Variants in ROBO2 observed in about 807,000 individuals in gnomAD.
ROBO2 encodes the protein roundabout guidance receptor 2.
Under a neutral mutation model 160.8 loss-of-function variants are expected in ROBO2, and 53 were observed. The ratio of observed to expected loss-of-function variants is 0.33; its 90% CI spans 0.26 to 0.41. The LOEUF is 0.41. ROBO2 is among the 10% of genes least tolerant of loss of function. ROBO2 has a pLI of 1.00. For synonymous variants in ROBO2, 664 were observed against 611.7 expected (o/e 1.09, Z -1.26); for missense variants, 1,577 against 1,722.4 (o/e 0.92, Z 1.49).
chr3:76,622,191 A>AAAGGAAGGAAGGAAGGAAGG (rs1163132103), intron 2 of ROBO2, among the ~76,000 whole-genome samples: 8 of 65,894 alleles, frequency 1.2e-4, no homozygotes, highest in African/African-American at 2.5e-4. Context: ...TAAAAAAAAG[A>AAAGGAAGGAAGGAAGGAAGG]AAGGAAGGAA....
At chr3:76,288,065 A>C (rs534731491) in intron 2 of ROBO2, among the ~76,000 whole-genome samples, 1 of 152,328 alleles carries the variant, frequency 6.6e-6, no homozygotes, top group Non-Finnish European at 1.5e-5. Flanking sequence ...ATTTTTTTCT[A>C]AGTATAAAAA....
intron 2 of ROBO2, among the ~76,000 whole-genome samples, chr3:77,383,776 C>T (rs1412910750): frequency 5.3e-5 from 8 of 152,092 alleles, no homozygotes; most frequent in Non-Finnish European, 1.5e-5. Flanking sequence ...TTTCCCTCTG[C>T]TTCATCCATA....
intron 2 of ROBO2, among the ~76,000 whole-genome samples, chr3:75,985,938 A>G (rs2065401638): frequency 6.6e-6 from 1 of 151,824 alleles, no homozygotes; most frequent in Non-Finnish European, 1.5e-5. Flanking sequence ...TTGCTTATCC[A>G]TTAATCCATT....
intron 2 of ROBO2, among the ~76,000 whole-genome samples, chr3:76,423,592 T>G (rs990426250): frequency 6.6e-6 from 1 of 151,946 alleles, no homozygotes; most frequent in Non-Finnish European, 1.5e-5. Context: ...CCAAGAGAAA[T>G]TGGAAAATGG....
chr3:76,172,137 C>A (rs1259166330), intron 2 of ROBO2, among the ~76,000 whole-genome samples: 5 of 152,038 alleles, frequency 3.3e-5, no homozygotes, highest in South Asian at 2.1e-4. Flanking sequence ...TGGTTTCCAG[C>A]TTCATCCATG....
intron 13 of ROBO2, among the ~76,000 whole-genome samples, 162 bp from the exon 15 acceptor site, chr3:77,574,337 G>A (rs1338653921): frequency 6.6e-6 from 1 of 152,034 alleles, no homozygotes; most frequent in African/African-American, 2.4e-5. Flanking sequence ...AACTCTAAAA[G>A]GATAGAAGTT....
At chr3:76,161,725 C>T (rs758505804) in intron 2 of ROBO2, among the ~76,000 whole-genome samples, 1 of 152,144 alleles carries the variant, frequency 6.6e-6, no homozygotes, top group Non-Finnish European at 1.5e-5. Context: ...CCTATGTTCA[C>T]ATGTTTCCCA....
chr3:76,177,728 G>C (rs1279639519), intron 2 of ROBO2, among the ~76,000 whole-genome samples: 2 of 152,114 alleles, frequency 1.3e-5, no homozygotes, highest in Non-Finnish European at 2.9e-5. Context: ...AGCTGCAAGA[G>C]AAAGACAGAC....
chr3:77,397,319 G>A (rs1000451260), intron 2 of ROBO2, among the ~76,000 whole-genome samples: 2 of 152,082 alleles, frequency 1.3e-5, no homozygotes, highest in African/African-American at 2.4e-5. Context: ...CTCCTTTATG[G>A]TTTCTAGAAT....
At chr3:77,031,087 GT>G (rs1260109790) in intron 2 of ROBO2, among the ~76,000 whole-genome samples, 3 of 152,110 alleles carry the variant, frequency 2.0e-5, no homozygotes, top group Non-Finnish European at 2.9e-5. Context: ...TGGGGCTTGT[GT>G]TTTAGTTTGG....
At chr3:77,253,406 A>G (rs2090596658) in intron 2 of ROBO2, among the ~76,000 whole-genome samples, 1 of 152,244 alleles carries the variant, frequency 6.6e-6, no homozygotes, top group Non-Finnish European at 1.5e-5. Flanking sequence ...AGTTATTCAC[A>G]TAAAGACCTA....
intron 2 of ROBO2, among the ~76,000 whole-genome samples, chr3:76,969,266 G>T (rs988932454): frequency 2.0e-5 from 3 of 152,116 alleles, no homozygotes; most frequent in African/African-American, 4.8e-5. Flanking sequence ...GAAAAATAAT[G>T]AAGCTTTAAA....
chr3:76,272,898 A>ATATTTATATAAAAAT, intron 2 of ROBO2, among the ~76,000 whole-genome samples: 1 of 57,132 alleles, frequency 1.8e-5, no homozygotes, highest in Non-Finnish European at 3.3e-5. Context: ...ATAAAAATAT[A>ATATTTATATAAAAAT]ATATATATTT....
intron 2 of ROBO2, among the ~76,000 whole-genome samples, chr3:76,722,034 G>A (rs1340435816): frequency 6.6e-6 from 1 of 152,266 alleles, no homozygotes; most frequent in East Asian, 1.9e-4. Flanking sequence ...GAATGAAATA[G>A]GTTTCCAGGT....
chr3:76,956,281 G>C (rs1160754928), intron 2 of ROBO2, among the ~76,000 whole-genome samples: 1 of 152,190 alleles, frequency 6.6e-6, no homozygotes, highest in Non-Finnish European at 1.5e-5. Context: ...ATCTGGGCCA[G>C]GCACGGTGGC....
chr3:76,604,043 C>T (rs1164292652), intron 2 of ROBO2, among the ~76,000 whole-genome samples: 1 of 152,068 alleles, frequency 6.6e-6, no homozygotes, highest in African/African-American at 2.4e-5. Context: ...TGTATAAAAG[C>T]CATGGCTTAA....
chr3:77,233,552 G>A (rs1344820297), intron 2 of ROBO2, among the ~76,000 whole-genome samples: 1 of 152,122 alleles, frequency 6.6e-6, no homozygotes, highest in Non-Finnish European at 1.5e-5. Flanking sequence ...ACTCATATTA[G>A]GATCTAGAAG....
At chr3:77,124,123 A>G (rs1197392799) in intron 2 of ROBO2, among the ~76,000 whole-genome samples, 1 of 152,128 alleles carries the variant, frequency 6.6e-6, no homozygotes, top group African/African-American at 2.4e-5. Flanking sequence ...TTAAAGGCAG[A>G]TATTTTCTGC....
intron 2 of ROBO2, among the ~76,000 whole-genome samples, chr3:76,714,873 T>G (rs1246994440): frequency 6.6e-6 from 1 of 152,168 alleles, no homozygotes; most frequent in Non-Finnish European, 1.5e-5. Context: ...AGACAGTCTG[T>G]TTTTCTTGTT....
Sources: gnomAD v4.1 joint callset for allele counts (sites outside exome capture counted in the v4.1 genomes callset) on GRCh38, gnomAD v4.1.1 for gene constraint, MANE v1.5 for transcripts, NCBI Gene and HGNC (gene_info 2026-07-23, HGNC 2026-07-21) for gene names.